PKHD1: variants seen among roughly 807,000 people sequenced by gnomAD.
The protein encoded by PKHD1 is fibrocystin.
In PKHD1, 291 loss-of-function variants were observed where a neutral mutation model predicts 412.0. The ratio of observed to expected loss-of-function variants is 0.71; its 90% CI spans 0.64 to 0.78. The LOEUF (loss-of-function observed/expected upper bound fraction) is 0.78. PKHD1 is among the 30% of genes least tolerant of loss of function. The probability of loss-of-function intolerance (pLI) is 0.00; values close to 1 mark genes in which losing one functional copy is unlikely to be tolerated. For synonymous variants in PKHD1, 1,777 were observed against 1,821.5 expected (o/e 0.98, Z 0.62); for missense variants, 4,825 against 4,950.7 (o/e 0.97, Z 0.76).
intron 55 of PKHD1, among the ~76,000 whole-genome samples, chr6:51,763,881 C>T (rs1788465166): frequency 6.6e-6 from 1 of 151,948 alleles, no homozygotes; most frequent in Non-Finnish European, 1.5e-5. Context: ...GTGTTACCTC[C>T]TATCCATACT....
chr6:52,039,847 A>G (rs1804556450), intron 27 of PKHD1, among the ~76,000 whole-genome samples: 1 of 152,218 alleles, frequency 6.6e-6, no homozygotes, highest in Non-Finnish European at 1.5e-5. Flanking sequence ...AAAAGTGGAA[A>G]CAATCCAAAT....
intron 60 of PKHD1, among the ~76,000 whole-genome samples, chr6:51,719,114 A>T (rs1582261601): frequency 8.8e-6 from 1 of 114,000 alleles, no homozygotes; most frequent in Non-Finnish European, 1.8e-5. Context: ...GCATATATAA[A>T]TATATTTAGT....
intron 25 of PKHD1, 43 bp downstream of exon 25, chr6:52,044,923 T>G (rs1279463514): frequency 3.1e-6 from 5 of 1,610,646 alleles, no homozygotes; most frequent in Admixed American, 1.7e-5. Flanking sequence ...TGAGTTAGAC[T>G]TGAAACTGGA....
At chr6:51,719,161 T>C (rs751439359) in intron 60 of PKHD1, among the ~76,000 whole-genome samples, 2 of 152,020 alleles carry the variant, frequency 1.3e-5, no homozygotes, top group Admixed American at 6.6e-5. Context: ...AAACAAGCAG[T>C]GTAGTATAAT....
intron 60 of PKHD1, among the ~76,000 whole-genome samples, chr6:51,690,100 C>T (rs541283530): frequency 2.6e-4 from 40 of 151,692 alleles, no homozygotes; most frequent in Admixed American, 1.2e-3. Context: ...GAAGAAACCC[C>T]GTCTCTACTA....
chr6:51,789,203 A>C (rs1793358644), intron 53 of PKHD1, among the ~76,000 whole-genome samples: 2 of 152,210 alleles, frequency 1.3e-5, no homozygotes, highest in Non-Finnish European at 2.9e-5. Context: ...TTTTCTGAAA[A>C]GCAATTTGGC....
At chr6:51,900,606 C>G (rs2127607787) in intron 43 of PKHD1, among the ~76,000 whole-genome samples, 1 of 152,274 alleles carries the variant, frequency 6.6e-6, no homozygotes, top group African/African-American at 2.4e-5. Context: ...AGGACATAGG[C>G]ATGGGCAAGG....
chr6:51,687,059 C>A (rs1777534652), intron 60 of PKHD1, among the ~76,000 whole-genome samples: 1 of 152,052 alleles, frequency 6.6e-6, no homozygotes, highest in Non-Finnish European at 1.5e-5. Context: ...GATGTAAGTT[C>A]TTTCATTGTC....
At chr6:51,712,117 C>T (rs1780730185) in intron 60 of PKHD1, among the ~76,000 whole-genome samples, 1 of 152,222 alleles carries the variant, frequency 6.6e-6, no homozygotes, top group African/African-American at 2.4e-5. Context: ...TCTGACTCCA[C>T]ATAGACCAGT....
Position 52,050,205 on chromosome 6 carries a change from G to C in PKHD1, c.2231C>G (p.Thr744Ser), listed in dbSNP as rs1806582320. 1 of 1,614,094 alleles carries C rather than the reference G, an allele frequency of 6.2e-7. No individual in the cohort carries two copies. Among genetic ancestry groups the C allele is most frequent in the Non-Finnish European group, 8.5e-7 (1 of 1,180,034 alleles). The change falls in exon 22 of 67, where the codon ACC becomes AGC. Residue 744 changes from threonine to serine, a missense_variant. Physicochemically the swap from Thr to Ser is moderately conservative, Grantham distance 58. Coordinates refer to ENST00000371117, the MANE Select transcript of PKHD1 (RefSeq NM_138694.4). ...CGTGCCACACCCCGCCAGCCAGGAG[G>C]TGACACTGTAGACCGGAGGGGATCC... ...VVGSPPVYSV[T>S]SWLAGCGTEL...
At chr6:51,752,616 G>A (rs1786288971) in intron 57 of PKHD1, among the ~76,000 whole-genome samples, 1 of 152,244 alleles carries the variant, frequency 6.6e-6, no homozygotes, top group African/African-American at 2.4e-5. Flanking sequence ...TTATAAGTTG[G>A]AGCTACAGTG....
At chr6:51,906,117 T>A in intron 41 of PKHD1, 98 bp downstream of exon 41, 1 of 1,024,294 alleles carries the variant, frequency 9.8e-7, no homozygotes. Context: ...AAAGCCAATA[T>A]TTTTATAAAT....
chr6:52,069,738 C>G (rs1342440985), intron 10 of PKHD1, among the ~76,000 whole-genome samples: 1 of 152,124 alleles, frequency 6.6e-6, no homozygotes, highest in African/African-American at 2.4e-5. Context: ...ATAATGCCTG[C>G]TTCATAGGAT....
rs755803138 is a variant in PKHD1, at chr6:52,066,069, A to G, written c.787T>C (p.Ser263Pro). The change falls in exon 12 of 67, where the codon TCT becomes CCT. Residue 263 changes from serine to proline, a missense_variant. Physicochemically the swap from Ser to Pro is moderately conservative, Grantham distance 74. Coordinates refer to ENST00000371117, the MANE Select transcript of PKHD1 (RefSeq NM_138694.4). Reference protein sequence around the residue: ...FLYQTHSEILSVFPETGSLGG... With the variant: ...FLYQTHSEILPVFPETGSLGG... Reference sequence around the variant, plus strand: ...AGGCTCCCAGTTTCTGGAAACACAGATAATATTTCTGCAAGAGTTAAAAAA... The same window carrying G: ...AGGCTCCCAGTTTCTGGAAACACAGGTAATATTTCTGCAAGAGTTAAAAAA... 9 of 1,490,928 alleles carry G rather than the reference A, an allele frequency of 6.0e-6. No homozygotes were observed. The Admixed American group carries it at 1.5e-4, about 26-fold the overall frequency. The allele number at this position is 1,490,928 out of a possible 1,614,324, so 92.4% of individuals were successfully genotyped here. A position where few individuals can be genotyped will look rare whatever the true frequency, so the allele number is the denominator to read the frequency against.
intron 60 of PKHD1, among the ~76,000 whole-genome samples, chr6:51,681,009 T>C (rs182604461): frequency 2.0e-5 from 3 of 152,156 alleles, no homozygotes; most frequent in Admixed American, 6.5e-5. Flanking sequence ...ACCAAATACA[T>C]AAGTGGCATC....
At chr6:52,048,252 C>T (rs566182354) in intron 23 of PKHD1, among the ~76,000 whole-genome samples, 25 of 152,354 alleles carry the variant, frequency 1.6e-4, no homozygotes, top group African/African-American at 5.8e-4. Flanking sequence ...GAAGCTGATC[C>T]ACTCAGTTTC....
chr6:51,990,182 A>T (rs1280668119), intron 35 of PKHD1, among the ~76,000 whole-genome samples: 2 of 151,610 alleles, frequency 1.3e-5, no homozygotes, highest in African/African-American at 4.8e-5. Flanking sequence ...TAACTAGATA[A>T]CACACTCTAT....
At position 52,083,137 on chromosome 6, in the gene PKHD1, C is replaced by T. The variant is rs201398617; in HGVS notation, c.130+41G>A. 1.5e-5 allele frequency: 19 copies of T among 1,247,348 alleles called. No individual in the cohort carries two copies. The East Asian group carries it at 4.4e-4, about 29-fold the overall frequency. The allele number at this position is 1,247,348 out of a possible 1,614,324, so 77.3% of individuals were successfully genotyped here. On this transcript the variant is annotated intron_variant, in intron 3 of 66. Coordinates refer to ENST00000371117, the MANE Select transcript of PKHD1 (RefSeq NM_138694.4). ...ACTCATAGTCTTTAGGATTGTGGGT[C>T]AATACATAAGAAATGTGCACTTGGT... is the stretch of plus-strand genomic sequence containing the variant.
At chr6:51,749,855 T>C (rs1423370243) in intron 57 of PKHD1, among the ~76,000 whole-genome samples, 1 of 152,204 alleles carries the variant, frequency 6.6e-6, no homozygotes, top group Non-Finnish European at 1.5e-5. Context: ...AGCCAATAAT[T>C]AGTTGTGTGT....
Sources: gnomAD v4.1 joint callset for allele counts (sites outside exome capture counted in the v4.1 genomes callset) on GRCh38, gnomAD v4.1.1 for gene constraint, MANE v1.5 for transcripts, NCBI Gene and HGNC (gene_info 2026-07-23, HGNC 2026-07-21) for gene names.